The following MRC2 variants were observed in gnomAD, a reference collection of about 807,000 sequenced individuals.
MRC2 encodes C-type mannose receptor 2.
Under a neutral mutation model 206.2 loss-of-function variants are expected in MRC2, and 84 were observed. The ratio of observed to expected loss-of-function variants is 0.41; its 90% CI spans 0.34 to 0.49. MRC2 has a LOEUF of 0.49. Ranked by LOEUF, MRC2 falls within the 20% of genes least tolerant of loss-of-function variation. The pLI is 0.31. For missense variants in MRC2, 1,676 were observed against 2,001.5 expected, an observed-to-expected ratio of 0.84 and a Z score of 3.10; for synonymous variants, 798 against 800.0, an observed-to-expected ratio of 1.00 and a Z score of 0.04.
At chr17:62,681,781 G>A (rs1373102189) in intron 18 of MRC2, 56 bp from the exon 19 acceptor site, 7 of 1,404,598 alleles carry the variant, frequency 5.0e-6, no homozygotes, top group Non-Finnish European at 7.0e-6. Flanking sequence ...GCTGCATCCG[G>A]TGGAGGCCCA....
rs1168180495 is a variant in MRC2, at chr17:62,672,682, G to A, written c.1461+530G>A. Among the ~76,000 whole-genome samples, 1 of 152,122 alleles carries A rather than the reference G, an allele frequency of 6.6e-6. No homozygotes were observed. Among genetic ancestry groups the A allele is most frequent in the African/African-American group, 2.4e-5 (1 of 41,436 alleles). On this transcript the variant is annotated intron_variant, in intron 8 of 29. Coordinates refer to ENST00000303375, the MANE Select transcript of MRC2 (RefSeq NM_006039.5). The surrounding 1 kb of genome is among the most constrained non-coding windows in gnomAD (Gnocchi z 4.5). ...TTGATGGAGGGCTTCAAGCAGAGAT[G>A]AAAGACCCTTAAAAAAGGGACAAAG...
chr17:62,674,252 G>A, intron 9 of MRC2, 82 bp downstream of exon 9: 1 of 1,013,140 alleles, frequency 9.9e-7, no homozygotes, highest in South Asian at 1.6e-5. Flanking sequence ...ATGAACTCCT[G>A]CTGCCTCGCA....
Position 62,627,775 on chromosome 17 carries a change from C to T in MRC2, c.-28C>T, listed in dbSNP as rs919357445. Reference sequence around the variant, plus strand: ...CGTTGCGCCTGTGCGCCCTCGGTCCCCGCGTCCACTGAGCGCCGCGCTCGG... The same window carrying T: ...CGTTGCGCCTGTGCGCCCTCGGTCCTCGCGTCCACTGAGCGCCGCGCTCGG... On this transcript the variant is annotated 5_prime_UTR_variant, in exon 1 of 30. Transcript: ENST00000303375. The T allele has an allele frequency of 5.7e-6, 8 of 1,392,684 alleles. No homozygotes were observed. Among genetic ancestry groups the T allele is most frequent in the Admixed American group, 7.0e-5 (2 of 28,466 alleles). The allele number at this position is 1,392,684 out of a possible 1,614,324, so 86.3% of individuals were successfully genotyped here.
intron 20 of MRC2, among the ~76,000 whole-genome samples, chr17:62,687,892 A>C (rs2089051803): frequency 6.6e-6 from 1 of 152,138 alleles, no homozygotes; most frequent in Non-Finnish European, 1.5e-5. Context: ...TGAAAAAAAA[A>C]AAAGTGTCCT....
chr17:62,640,017 C>CTTTTTTTTTTTTTTTTTTTTTT (rs56703312), intron 1 of MRC2, among the ~76,000 whole-genome samples: 2 of 74,350 alleles, frequency 2.7e-5, no homozygotes, highest in African/African-American at 5.5e-5. Context: ...CCATGCCCAG[C>CTTTTTTTTTTTTTTTTTTTTTT]TTTTTTTTTT....
At position 62,675,713 on chromosome 17, in the gene MRC2, C is replaced by A. The variant is rs1268241974; in HGVS notation, c.1570-77C>A. The A allele has an allele frequency of 4.5e-5, 53 of 1,167,158 alleles. No individual in the cohort carries two copies. The highest frequency in any genetic ancestry group is 6.7e-5 in the Non-Finnish European group (52 of 780,520). The allele number at this position is 1,167,158 out of a possible 1,614,324, so 72.3% of individuals were successfully genotyped here. A position where few individuals can be genotyped will look rare whatever the true frequency, so the allele number is the denominator to read the frequency against. Reference sequence around the variant, plus strand: ...TCAGTGATGTCCCTGATGGCATCTCCCACCACAGGATTTATGGGTGAGGGT... The same window carrying A: ...TCAGTGATGTCCCTGATGGCATCTCACACCACAGGATTTATGGGTGAGGGT... On this transcript the variant is annotated intron_variant, in intron 9 of 29. Coordinates refer to ENST00000303375, the MANE Select transcript of MRC2 (RefSeq NM_006039.5). This position sits in a 1 kb window ranked among gnomAD's most constrained non-coding sequence, Gnocchi z 4.1.
At chr17:62,645,496 AT>A (rs36160839) in intron 1 of MRC2, among the ~76,000 whole-genome samples, 15,903 of 71,930 alleles carry the variant, frequency 0.22, 3,184 homozygotes, top group Non-Finnish European at 0.25. Context: ...GTGTGTATAT[AT>A]TATATATATA....
At position 62,692,357 on chromosome 17, in the gene MRC2, G is replaced by A. The variant is rs1233343049; in HGVS notation, c.4346G>A (p.Gly1449Asp). Residue 1449 changes from glycine (G) to aspartate (D), a missense_variant, in exon 30 of 30, where the codon GGT becomes GAT. Around this residue, in one of 3 missense-constraint regions of MRC2, gnomAD observed 1,354 missense variants for 1,636.6 expected, o/e 0.83. Coordinates refer to ENST00000303375, the MANE Select transcript of MRC2 (RefSeq NM_006039.5). The surrounding 1 kb of genome is among the most constrained non-coding windows in gnomAD (Gnocchi z 4.2). ...AGCATCGAGCGCGGGGCCTTTGAGG[G>A]TGCCCGCTACAGCCGCAGCAGCTCC... ...RQSIERGAFE[G>D]ARYSRSSSSP... 4 of 1,574,550 alleles carry A rather than the reference G, an allele frequency of 2.5e-6. No individual in the cohort carries two copies. Among genetic ancestry groups the A allele is most frequent in the Non-Finnish European group, 3.4e-6 (4 of 1,160,116 alleles).
chr17:62,678,644 C>A lies in MRC2; in HGVS notation c.2193C>A (p.Phe731Leu). Residue 731 changes from phenylalanine (F) to leucine (L), a missense_variant and splice_region_variant, in exon 13 of 30, where the codon TTC (phenylalanine) becomes TTA (leucine). Phe to Leu is a conservative substitution (Grantham distance 22). Coordinates refer to ENST00000303375, the MANE Select transcript of MRC2 (RefSeq NM_006039.5). ...TGGCCAACATGCTCAACAAGATCTT[C>A]GGGTACTGAGCCGGGCTGAGGCGTG... is the stretch of plus-strand genomic sequence containing the variant. ...HFVANMLNKIFGESEPEIHEQ... is the reference protein window; with the variant it reads ...HFVANMLNKILGESEPEIHEQ... The A allele has an allele frequency of 6.2e-7, 1 of 1,610,986 alleles. No homozygotes were observed. Among genetic ancestry groups the A allele is most frequent in the African/African-American group, 1.3e-5 (1 of 74,746 alleles).
Position 62,667,552 on chromosome 17 carries a change from C to T in MRC2, c.1117+19C>T, listed in dbSNP as rs553010644. ...CCTCCAGGTGAGCCAGGGACTGTGC[C>T]GCAGGGTGGGGAGGGGCTCCCAGGG... On this transcript the variant is annotated intron_variant, in intron 6 of 29. Transcript: ENST00000303375. This position sits in a 1 kb window ranked among gnomAD's most constrained non-coding sequence, Gnocchi z 4.1. The T allele has an allele frequency of 3.8e-6, 6 of 1,599,014 alleles. No individual in the cohort carries two copies. In the African/African-American group the frequency reaches 4.0e-5, roughly 11 times the overall value.
chr17:62,676,736 C>T, intron 11 of MRC2: 1 of 536,686 alleles, frequency 1.9e-6, no homozygotes, highest in East Asian at 3.2e-5. Flanking sequence ...CTCTGAGCCT[C>T]AGTTTTCTCA....
intron 9 of MRC2, 28 bp downstream of exon 9, chr17:62,674,198 G>A (rs1274537770): frequency 2.0e-6 from 3 of 1,501,902 alleles, no homozygotes; most frequent in African/African-American, 1.4e-5. Context: ...GCTGCCCTGA[G>A]TGGGGCCACC....
chr17:62,687,088 G>C (rs2089041069), intron 20 of MRC2, among the ~76,000 whole-genome samples: 1 of 152,148 alleles, frequency 6.6e-6, no homozygotes, highest in Non-Finnish European at 1.5e-5. Flanking sequence ...GGTTGTCAGA[G>C]CTGGAATCTG....
At position 62,675,828 on chromosome 17, in the gene MRC2, A is replaced by C; in HGVS notation, c.1608A>C (p.Gly536=). 6.2e-7 allele frequency: 1 copy of C among 1,613,470 alleles called. No homozygotes were observed. The highest frequency in any genetic ancestry group is 8.5e-7 in the Non-Finnish European group (1 of 1,179,950). Residue 536 remains glycine (G), a synonymous_variant, in exon 10 of 30, where the codon GGA becomes GGC. Coordinates refer to ENST00000303375, the MANE Select transcript of MRC2 (RefSeq NM_006039.5). The surrounding 1 kb of genome is among the most constrained non-coding windows in gnomAD (Gnocchi z 4.1). ...TWHSPSCYWL[G]EDQVTYSEAR... is the part of the protein sequence containing the mutation. The stretch of plus-strand genomic sequence containing the variant: ...ACAGCCCATCCTGCTACTGGCTGGG[A>C]GAAGACCAAGTGACCTACAGTGAGG...
Position 62,690,206 on chromosome 17 carries a change from C to A in MRC2, c.3793C>A (p.Leu1265Met). The A allele has an allele frequency of 6.2e-7, 1 of 1,612,608 alleles. No individual in the cohort carries two copies. The highest frequency in any genetic ancestry group is 2.2e-5 in the East Asian group (1 of 44,834). Reference sequence around the variant, plus strand: ...CTACCATGGCAGCTGTCCCCAGGGACTGGCAGACTCCGCGTGGATTCCCTT... The same window carrying A: ...CTACCATGGCAGCTGTCCCCAGGGAATGGCAGACTCCGCGTGGATTCCCTT... ...ISYHGSCPQG[L>M]ADSAWIPFRE... The change falls in exon 26 of 30, where the codon CTG (leucine) becomes ATG (methionine). Residue 1265 changes from leucine (L) to methionine (M), a missense_variant. By Grantham distance (15) the Leu-to-Met change is conservative. This residue lies in a region of MRC2 where 1,354 missense variants were observed against 1,636.6 expected (regional missense o/e 0.83). Coordinates refer to ENST00000303375, the MANE Select transcript of MRC2 (RefSeq NM_006039.5).
chr17:62,692,378 G>T lies in MRC2; in HGVS notation c.4367G>T (p.Ser1456Ile), dbSNP rs373776938. ...AFEGARYSRS[S>I]SSPTEATEKN... ...GAGGGTGCCCGCTACAGCCGCAGCAGCTCCAGCCCCACCGAGGCCACTGAG... is the reference window on the plus strand; with the variant it reads ...GAGGGTGCCCGCTACAGCCGCAGCATCTCCAGCCCCACCGAGGCCACTGAG... Residue 1456 changes from serine (S) to isoleucine (I), a missense_variant, in exon 30 of 30, where the codon AGC becomes ATC. Ser to Ile is a moderately radical substitution (Grantham distance 142). Coordinates refer to ENST00000303375, the MANE Select transcript of MRC2 (RefSeq NM_006039.5). The surrounding 1 kb of genome is among the most constrained non-coding windows in gnomAD (Gnocchi z 4.2). 45 of 1,574,178 alleles carry T rather than the reference G, an allele frequency of 2.9e-5. No homozygotes were observed. The East Asian group carries it at 4.6e-4, about 16-fold the overall frequency.
intron 1 of MRC2, among the ~76,000 whole-genome samples, chr17:62,662,881 C>G (rs1462444639): frequency 6.6e-6 from 1 of 152,108 alleles, no homozygotes; most frequent in African/African-American, 2.4e-5. Flanking sequence ...TGCACTCCAG[C>G]CTGGGCAACA....
Position 62,691,109 on chromosome 17 carries a change from C to G in MRC2, c.4173C>G (p.Val1391=). 6.2e-7 allele frequency: 1 copy of G among 1,607,156 alleles called. No homozygotes were observed. The highest frequency in any genetic ancestry group is 8.5e-7 in the Non-Finnish European group (1 of 1,177,692). The stretch of plus-strand genomic sequence containing the variant: ...CTTGCACCAACATCACCATGGGTGT[C>G]GTCTGCAAGCTTCCTCGTGGTGAGC... ...PGACTNITMG[V]VCKLPRAEQS... Residue 1391 remains valine, a synonymous_variant, in exon 28 of 30, where the codon GTC becomes GTG. Transcript: ENST00000303375.
intron 1 of MRC2, among the ~76,000 whole-genome samples, chr17:62,628,444 C>T (rs1056996772): frequency 6.6e-6 from 1 of 152,152 alleles, no homozygotes; most frequent in African/African-American, 2.4e-5. Context: ...TTGATATTTT[C>T]TTTTCCACAC....
Sources: allele counts gnomAD v4.1 joint callset (sites outside exome capture counted in the v4.1 genomes callset), GRCh38; gene constraint gnomAD v4.1.1; regional missense constraint gnomAD v4.1.1; non-coding constraint Gnocchi (gnomAD v3.1); transcripts MANE v1.5; gene names NCBI Gene and HGNC (gene_info 2026-07-23, HGNC 2026-07-21).